DARS1: variants seen among roughly 807,000 people sequenced by gnomAD.
DARS1 encodes the protein aspartyl-tRNA synthetase 1.
A neutral mutation model predicts 68.8 loss-of-function variants in DARS1; 51 were observed. That is an observed-to-expected ratio of 0.74 (90% CI 0.59 to 0.94). The LOEUF (loss-of-function observed/expected upper bound fraction) is 0.94. Among genes scored for constraint, DARS1 ranks in the 40% least tolerant of loss-of-function variants. The pLI, the probability that DARS1 is intolerant of heterozygous loss-of-function variation, is 0.00. For synonymous variants in DARS1, 203 were observed against 190.4 expected, an observed-to-expected ratio of 1.07 and a Z score of -0.55; for missense variants, 607 against 597.3, an observed-to-expected ratio of 1.02 and a Z score of -0.17.
intron 2 of DARS1, among the ~76,000 whole-genome samples, chr2:135,980,955 A>T (rs1227926258): frequency 2.0e-5 from 3 of 152,198 alleles, no homozygotes; most frequent in African/African-American, 7.2e-5. Context: ...TCACATCACT[A>T]TGACTGGCTA....
chr2:135,931,314 G>A (rs1015640558), intron 7 of DARS1, among the ~76,000 whole-genome samples: 2 of 152,158 alleles, frequency 1.3e-5, no homozygotes, highest in African/African-American at 4.8e-5. Flanking sequence ...ATAGCTCACT[G>A]CAGACTCAAC....
Position 135,907,329 on chromosome 2 carries a change from C to T in DARS1, c.1493G>A (p.Arg498Gln), listed in dbSNP as rs773488177. 11 of 1,563,788 alleles carry T rather than the reference C, an allele frequency of 7.0e-6. No homozygotes were observed. Among genetic ancestry groups the T allele is most frequent in the African/African-American group, 1.4e-5 (1 of 70,308 alleles). ...QTSMFPRDPK[R>Q]LTP ...CAAAGTGTGAATTTAAGGAGTGAGT[C>T]GTTTGGGATCACGAGGGAACATGGA... is the stretch of plus-strand genomic sequence containing the variant. The change falls in exon 16 of 16, where the codon CGA becomes CAA. Residue 498 changes from arginine (R) to glutamine (Q), a missense_variant. Transcript: ENST00000264161.
intron 7 of DARS1, among the ~76,000 whole-genome samples, chr2:135,931,196 G>C (rs1401953169): frequency 1.3e-5 from 2 of 152,152 alleles, no homozygotes; most frequent in East Asian, 3.9e-4. Context: ...ACTTTGCTGA[G>C]AGTCTATGAA....
At chr2:135,936,390 CAT>C (rs1409282780) in intron 5 of DARS1, among the ~76,000 whole-genome samples, 1 of 149,538 alleles carries the variant, frequency 6.7e-6, no homozygotes, top group Non-Finnish European at 1.5e-5. Flanking sequence ...TATACACACA[CAT>C]ACACTTTTTT....
At chr2:135,951,699 C>G (rs1681842603) in intron 4 of DARS1, among the ~76,000 whole-genome samples, 1 of 152,172 alleles carries the variant, frequency 6.6e-6, no homozygotes, top group South Asian at 2.1e-4. Flanking sequence ...ACAAAATGCA[C>G]ACACCTTAAA....
At chr2:135,910,438 T>C (rs957082747) in intron 15 of DARS1, among the ~76,000 whole-genome samples, 1 of 152,178 alleles carries the variant, frequency 6.6e-6, no homozygotes, top group Non-Finnish European at 1.5e-5. Context: ...TTTTTTCATA[T>C]ACCTATTGGC....
At chr2:135,963,941 A>C (rs967284619) in intron 3 of DARS1, among the ~76,000 whole-genome samples, 6 of 152,108 alleles carry the variant, frequency 3.9e-5, no homozygotes, top group Admixed American at 1.3e-4. Context: ...TTGGCCTCCC[A>C]AAGTGCCGGG....
At position 135,941,475 on chromosome 2, in the gene DARS1, G is replaced by C. The variant is rs1681595256; in HGVS notation, c.423+1903C>G. Among the ~76,000 whole-genome samples, 3 of 152,058 alleles carry C rather than the reference G, an allele frequency of 2.0e-5. No homozygotes were observed. In the South Asian group the frequency reaches 6.2e-4, roughly 32 times the overall value. On this transcript the variant is annotated intron_variant, in intron 5 of 15. Coordinates refer to ENST00000264161, the MANE Select transcript of DARS1 (RefSeq NM_001349.4). The stretch of plus-strand genomic sequence containing the variant: ...AGCCATATGTAGAAAGCTGAAACTG[G>C]ATCCCTTCCTTACACCTTATACAAG...
At chr2:135,931,146 T>C (rs1441838743) in intron 7 of DARS1, among the ~76,000 whole-genome samples, 3 of 152,192 alleles carry the variant, frequency 2.0e-5, no homozygotes, top group Non-Finnish European at 4.4e-5. Flanking sequence ...AGAAGAAGAA[T>C]GGCAATTTTG....
chr2:135,932,670 T>C, intron 7 of DARS1, 113 bp downstream of exon 7: 1 of 639,378 alleles, frequency 1.6e-6, no homozygotes, highest in South Asian at 2.3e-5. Context: ...TGTATTATCA[T>C]ACTTACAGTC....
At position 135,985,568 on chromosome 2, in the gene DARS1, A is replaced by G. The variant is rs6752967; in HGVS notation, c.-100T>C. The G allele has an allele frequency of 7.7e-3, 12,254 of 1,589,584 alleles. 257 individuals carry two copies. The highest frequency in any genetic ancestry group is 0.067 in the African/African-American group (5,018 of 74,556). ...CTCCCTCCCAGTCTCCGCCCTCCCG[A>G]CCCTGGGGTCTCAGCACACGCGCTC... is the stretch of plus-strand genomic sequence containing the variant. On this transcript the variant is annotated 5_prime_UTR_variant, in exon 1 of 16. Coordinates refer to ENST00000264161, the MANE Select transcript of DARS1 (RefSeq NM_001349.4).
chr2:135,943,589 A>G, intron 4 of DARS1, 109 bp from the exon 5 acceptor site: 1 of 1,475,178 alleles, frequency 6.8e-7, no homozygotes, highest in Non-Finnish European at 9.0e-7. Flanking sequence ...TTAATACAGT[A>G]AGCCACTTGA....
At chr2:135,930,103 A>G (rs998841934) in intron 7 of DARS1, among the ~76,000 whole-genome samples, 6 of 152,238 alleles carry the variant, frequency 3.9e-5, no homozygotes, top group African/African-American at 1.4e-4. Flanking sequence ...TATGTAATTG[A>G]TAAGATGAAA....
At chr2:135,961,248 A>G in intron 4 of DARS1, 148 bp downstream of exon 4, 1 of 596,820 alleles carries the variant, frequency 1.7e-6, no homozygotes, top group South Asian at 2.0e-5. Flanking sequence ...AGTTTAATGT[A>G]TTCAGCAACA....
intron 7 of DARS1, among the ~76,000 whole-genome samples, chr2:135,930,464 C>T (rs61133344): frequency 2.6e-5 from 4 of 152,130 alleles, no homozygotes; most frequent in East Asian, 1.9e-4. Context: ...TTAAAGATGG[C>T]TCAGTTTCTA....
chr2:135,981,782 T>A (rs1381526662), intron 2 of DARS1, among the ~76,000 whole-genome samples: 1 of 151,212 alleles, frequency 6.6e-6, no homozygotes. Flanking sequence ...GATCCTCCCA[T>A]CAGCCTCCTG....
chr2:135,907,261 T>TTTTTTTTTTTTTTTTTGGGG lies in DARS1; in HGVS notation c.*54_*55insCCCCAAAAAAAAAAAAAAAA. The TTTTTTTTTTTTTTTTTGGGG allele has an allele frequency of 1.1e-6, 1 of 889,240 alleles. No individual in the cohort carries two copies. The allele number at this position is 889,240 out of a possible 1,614,324, so 55.1% of individuals were successfully genotyped here. A position where few individuals can be genotyped will look rare whatever the true frequency, so the allele number is the denominator to read the frequency against. On this transcript the variant is annotated 3_prime_UTR_variant, in exon 16 of 16. Coordinates refer to ENST00000264161, the MANE Select transcript of DARS1 (RefSeq NM_001349.4). The stretch of plus-strand genomic sequence containing the variant: ...GGCTTTCTTTTTTTTTTTTTTTTTT[T>TTTTTTTTTTTTTTTTTGGGG]GAGGCAGGGTCTCGCTCTGTCATCC...
At chr2:135,928,603 C>T (rs1681275528) in intron 7 of DARS1, among the ~76,000 whole-genome samples, 1 of 151,236 alleles carries the variant, frequency 6.6e-6, no homozygotes, top group African/African-American at 2.4e-5. Flanking sequence ...CCGCCTCAGC[C>T]TCCCAAAGTG....
intron 5 of DARS1, among the ~76,000 whole-genome samples, chr2:135,937,645 T>G (rs548938971): frequency 6.6e-6 from 1 of 152,216 alleles, no homozygotes; most frequent in Non-Finnish European, 1.5e-5. Flanking sequence ...TTCCTTTCCA[T>G]GTTTAGTGCC....
Sources: gnomAD v4.1 joint callset for allele counts (sites outside exome capture counted in the v4.1 genomes callset) on GRCh38, gnomAD v4.1.1 for gene constraint, MANE v1.5 for transcripts, NCBI Gene and HGNC (gene_info 2026-07-23, HGNC 2026-07-21) for gene names.